EFR3B: variants seen among roughly 807,000 people sequenced by gnomAD.
EFR3B encodes the protein protein EFR3 homolog B.
A neutral mutation model predicts 104.7 loss-of-function variants in EFR3B; 64 were observed. That is an observed-to-expected ratio of 0.61 (90% CI 0.50 to 0.75). The LOEUF (loss-of-function observed/expected upper bound fraction) is 0.75. Among genes scored for constraint, EFR3B ranks in the 30% least tolerant of loss-of-function variants. The pLI is 0.00. For missense variants in EFR3B, 750 were observed against 1,078.5 expected, an observed-to-expected ratio of 0.70 and a Z score of 4.27; for synonymous variants, 385 against 417.9, an observed-to-expected ratio of 0.92 and a Z score of 0.96.
chr2:25,128,378 C>T lies in EFR3B; in HGVS notation c.635+46C>T, dbSNP rs1203627205. On this transcript the variant is annotated intron_variant, in intron 6 of 22. Coordinates refer to ENST00000403714, the MANE Select transcript of EFR3B (RefSeq NM_014971.2). ...CAGGACAGTAGATATAATCAACCCT[C>T]CAAGGGCTGCTTGGGAACCACATGG... The T allele has an allele frequency of 1.9e-6, 3 of 1,546,732 alleles. No individual in the cohort carries two copies. The East Asian group carries it at 7.4e-5, about 38-fold the overall frequency.
chr2:25,119,860 A>G (rs542665882), intron 4 of EFR3B, among the ~76,000 whole-genome samples: 13 of 152,374 alleles, frequency 8.5e-5, no homozygotes, highest in Admixed American at 3.3e-4. Context: ...GTTGTTAAAT[A>G]CAGACACAAA....
chr2:25,050,624 CAT>C (rs750771301), intron 1 of EFR3B, among the ~76,000 whole-genome samples: 2 of 152,066 alleles, frequency 1.3e-5, no homozygotes, highest in African/African-American at 2.4e-5. Context: ...TACACACACA[CAT>C]GACAATACAT....
chr2:25,060,703 G>A (rs1330020580), intron 1 of EFR3B, among the ~76,000 whole-genome samples: 7 of 151,902 alleles, frequency 4.6e-5, no homozygotes, highest in Non-Finnish European at 8.8e-5. Context: ...GGTGGATCAC[G>A]AGGTCAGGAG....
intron 1 of EFR3B, among the ~76,000 whole-genome samples, chr2:25,048,097 C>T (rs1667770033): frequency 6.6e-6 from 1 of 152,168 alleles, no homozygotes; most frequent in Non-Finnish European, 1.5e-5. Context: ...CTTACTGTAG[C>T]CTCAACCTCC....
intron 18 of EFR3B, 87 bp from the exon 19 acceptor site, chr2:25,144,873 G>A: frequency 8.4e-7 from 1 of 1,188,192 alleles, no homozygotes; most frequent in Non-Finnish European, 1.2e-6. Context: ...CCAAGCAAAG[G>A]CAGAGGGGTA....
chr2:25,143,075 G>A (rs544542846), intron 17 of EFR3B, among the ~76,000 whole-genome samples: 126 of 151,438 alleles, frequency 8.3e-4, no homozygotes, highest in African/African-American at 2.8e-3. Flanking sequence ...GTGAAACCCC[G>A]TCTCTACTAA....
intron 5 of EFR3B, among the ~76,000 whole-genome samples, chr2:25,125,052 C>T (rs969222356): frequency 3.9e-5 from 6 of 152,074 alleles, no homozygotes; most frequent in South Asian, 2.1e-4. Flanking sequence ...AGTGAGACTC[C>T]GTGTCGAAAA....
At chr2:25,125,407 A>G (rs1276072143) in intron 5 of EFR3B, among the ~76,000 whole-genome samples, 2 of 152,132 alleles carry the variant, frequency 1.3e-5, no homozygotes, top group Non-Finnish European at 2.9e-5. Flanking sequence ...TTTAAACTGG[A>G]ACTAAGAAGA....
chr2:25,125,904 T>A (rs1452182389), intron 5 of EFR3B, among the ~76,000 whole-genome samples: 1 of 152,126 alleles, frequency 6.6e-6, no homozygotes, highest in Non-Finnish European at 1.5e-5. Flanking sequence ...GCCGAGATCG[T>A]GCCTGGGTGA....
intron 11 of EFR3B, 31 bp from the exon 12 acceptor site, chr2:25,133,351 TC>T (rs1670434178): frequency 6.4e-7 from 1 of 1,551,258 alleles, no homozygotes; most frequent in Non-Finnish European, 8.7e-7. Flanking sequence ...CCTATTACCA[TC>T]CTGGTGAGTG....
intron 5 of EFR3B, 130 bp from the exon 6 acceptor site, chr2:25,128,053 G>A (rs1209198253): frequency 2.0e-6 from 2 of 1,011,204 alleles, no homozygotes; most frequent in East Asian, 2.6e-5. Context: ...AGTAGCAGCT[G>A]GTCTCCATTC....
intron 4 of EFR3B, among the ~76,000 whole-genome samples, chr2:25,110,868 T>C (rs979310378): frequency 1.3e-5 from 2 of 152,186 alleles, no homozygotes; most frequent in East Asian, 1.9e-4. Context: ...GTAAAGACTA[T>C]TTATTTGTTT....
At chr2:25,072,191 C>T (rs1668518484) in intron 1 of EFR3B, among the ~76,000 whole-genome samples, 1 of 152,212 alleles carries the variant, frequency 6.6e-6, no homozygotes, top group Non-Finnish European at 1.5e-5. Context: ...CAGTTGTGGA[C>T]GTGGGTGGCT....
chr2:25,104,666 T>TCC, intron 4 of EFR3B, among the ~76,000 whole-genome samples: 1 of 152,312 alleles, frequency 6.6e-6, no homozygotes, highest in Non-Finnish European at 1.5e-5. Flanking sequence ...TAAAGTGATG[T>TCC]CCCCAGGACA....
chr2:25,129,092 G>C (rs909024197), intron 6 of EFR3B, among the ~76,000 whole-genome samples: 3 of 149,186 alleles, frequency 2.0e-5, no homozygotes, highest in Non-Finnish European at 4.4e-5. Flanking sequence ...CCCTGAAAAC[G>C]TGCATGCTTG....
At chr2:25,059,183 G>C (rs1002831655) in intron 1 of EFR3B, among the ~76,000 whole-genome samples, 25 of 150,398 alleles carry the variant, frequency 1.7e-4, no homozygotes, top group Middle Eastern at 3.4e-3. Flanking sequence ...CGCAATTTTG[G>C]CTCACTGCAG....
rs963864248 is a variant in EFR3B at position 25,137,938 on chromosome 2, G to A, written c.1722+436G>A. The stretch of plus-strand genomic sequence containing the variant: ...TGTAATCCCAGCACTTTGGGAGGCC[G>A]AGGTGGGTGGACCACTTGAGGTCAG... On this transcript the variant is annotated intron_variant, in intron 15 of 22. Transcript: ENST00000403714. The surrounding 1 kb of genome is among the most constrained non-coding windows in gnomAD (Gnocchi z 4.7). Among the ~76,000 whole-genome samples the A allele has an allele frequency of 5.3e-5, 8 of 152,136 alleles. No individual in the cohort carries two copies. The South Asian group carries it at 8.3e-4, about 16-fold the overall frequency.
intron 15 of EFR3B, among the ~76,000 whole-genome samples, 180 bp from the exon 16 acceptor site, chr2:25,138,879 C>T (rs1670588174): frequency 6.6e-6 from 1 of 152,210 alleles, no homozygotes; most frequent in Non-Finnish European, 1.5e-5. Flanking sequence ...GGACCCCTCC[C>T]TTCAGCTTTA....
chr2:25,083,924 A>G (rs766015441), intron 1 of EFR3B, among the ~76,000 whole-genome samples: 3 of 152,196 alleles, frequency 2.0e-5, no homozygotes, highest in Non-Finnish European at 4.4e-5. Flanking sequence ...ACAGCCTGAG[A>G]TGCACTGACC....
Sources: gnomAD v4.1 joint callset for allele counts (sites outside exome capture counted in the v4.1 genomes callset) on GRCh38, gnomAD v4.1.1 for gene constraint, Gnocchi (gnomAD v3.1) non-coding constraint, MANE v1.5 for transcripts, NCBI Gene and HGNC (gene_info 2026-07-23, HGNC 2026-07-21) for gene names.